Variants in SH3BP2 observed in about 807,000 individuals in gnomAD.
The protein encoded by SH3BP2 is SH3 domain binding protein 2, also known as SH3 domain-binding protein 2.
Under a neutral mutation model 56.2 loss-of-function variants are expected in SH3BP2, and 38 were observed. The observed-to-expected ratio is 0.68, with a 90% CI of 0.52 to 0.89. The LOEUF is 0.89. Ranked by LOEUF, SH3BP2 falls within the 40% of genes least tolerant of loss-of-function variation. The probability of loss-of-function intolerance (pLI) is 0.00; values close to 1 mark genes in which losing one functional copy is unlikely to be tolerated. For synonymous variants in SH3BP2, 346 were observed against 316.7 expected (o/e 1.09, Z -0.98); for missense variants, 748 against 762.6 (o/e 0.98, Z 0.23).
chr4:2,812,412 C>T (rs1723786721), intron 1 of SH3BP2: 5 of 1,550,296 alleles, frequency 3.2e-6, no homozygotes, highest in Non-Finnish European at 4.4e-6. Flanking sequence ...CCTCCCTGGG[C>T]CCCAGGACAC....
At chr4:2,799,432 G>T in intron 1 of SH3BP2, 1 of 316,048 alleles carries the variant, frequency 3.2e-6, no homozygotes, top group Non-Finnish European at 4.6e-6. Flanking sequence ...GGCTCTCTGA[G>T]ATCAACCTTC....
chr4:2,813,865 G>A (rs1459597359), intron 1 of SH3BP2, among the ~76,000 whole-genome samples: 1 of 152,192 alleles, frequency 6.6e-6, no homozygotes, highest in Admixed American at 6.5e-5. Context: ...AGTGTTAACT[G>A]TACATGCATG....
chr4:2,821,783 G>A (rs1024007451), intron 2 of SH3BP2, among the ~76,000 whole-genome samples: 4 of 152,116 alleles, frequency 2.6e-5, no homozygotes, highest in Admixed American at 6.5e-5. Flanking sequence ...GAGCTCAAGC[G>A]ATCCATCCGC....
Position 2,829,540 on chromosome 4 carries a change from C to T in SH3BP2, c.634C>T (p.Pro212Ser). ...PAYPPPPVPTPRKPAFSDMPR... is the reference protein window; with the variant it reads ...PAYPPPPVPTSRKPAFSDMPR... ...TTACCCACCACCCCCAGTGCCCACGCCCAGGAAGCCAGCCTTCTCTGACAT... is the reference window on the plus strand; with the variant it reads ...TTACCCACCACCCCCAGTGCCCACGTCCAGGAAGCCAGCCTTCTCTGACAT... Residue 212 changes from proline to serine, a missense_variant, in exon 8 of 13, where the codon CCC (proline) becomes TCC (serine). Physicochemically the swap from Pro to Ser is moderately conservative, Grantham distance 74. This residue lies in a region of SH3BP2 where 635 missense variants were observed against 615.0 expected (regional missense o/e 1.03). Coordinates refer to ENST00000503393, the MANE Select transcript of SH3BP2 (RefSeq NM_001122681.2). The surrounding 1 kb of genome is among the most constrained non-coding windows in gnomAD (Gnocchi z 4.9). 5 of 1,613,620 alleles carry T rather than the reference C, an allele frequency of 3.1e-6. No individual in the cohort carries two copies. Among genetic ancestry groups the T allele is most frequent in the Non-Finnish European group, 3.4e-6 (4 of 1,179,988 alleles).
At chr4:2,819,664 C>T (rs942846983) in intron 1 of SH3BP2, among the ~76,000 whole-genome samples, 1 of 152,108 alleles carries the variant, frequency 6.6e-6, no homozygotes, top group African/African-American at 2.4e-5. Context: ...GTACTGTTCA[C>T]TGGGACAAGA....
intron 1 of SH3BP2, among the ~76,000 whole-genome samples, chr4:2,816,864 A>G (rs1188885177): frequency 6.7e-6 from 1 of 150,172 alleles, no homozygotes. Flanking sequence ...GTTTATGTCT[A>G]TACCCATAAG....
chr4:2,794,706 T>C (rs1249484698), intron 1 of SH3BP2, among the ~76,000 whole-genome samples: 3 of 152,176 alleles, frequency 2.0e-5, no homozygotes, highest in Non-Finnish European at 4.4e-5. Flanking sequence ...TCCAGGATCA[T>C]GGGGGAGCCC....
At position 2,827,645 on chromosome 4, in the gene SH3BP2, C is replaced by G; in HGVS notation, c.557C>G (p.Pro186Arg). ...HDDEDDSYLEPDSPEPGRLED... is the reference protein window; with the variant it reads ...HDDEDDSYLERDSPEPGRLED... ...GATGAGGATGACTCCTACCTGGAGCCTGACTCCCCGGAGCCCGGAAGGCTT... is the reference window on the plus strand; with the variant it reads ...GATGAGGATGACTCCTACCTGGAGCGTGACTCCCCGGAGCCCGGAAGGCTT... The change falls in exon 7 of 13, where the codon CCT becomes CGT. Residue 186 changes from proline to arginine, a missense_variant. Pro to Arg is a moderately radical substitution (Grantham distance 103). Around this residue, in one of 3 missense-constraint regions of SH3BP2, gnomAD observed 635 missense variants for 615.0 expected, o/e 1.03. Transcript: ENST00000503393. 1 of 1,595,134 alleles carries G rather than the reference C, an allele frequency of 6.3e-7. No individual in the cohort carries two copies. The highest frequency in any genetic ancestry group is 8.5e-7 in the Non-Finnish European group (1 of 1,170,508).
At chr4:2,803,925 G>A (rs891327091) in intron 1 of SH3BP2, among the ~76,000 whole-genome samples, 3 of 152,170 alleles carry the variant, frequency 2.0e-5, no homozygotes, top group Non-Finnish European at 4.4e-5. Flanking sequence ...ACAGTAGCTT[G>A]GATCCCGGGT....
chr4:2,813,489 G>C (rs968835385), intron 1 of SH3BP2, among the ~76,000 whole-genome samples: 3 of 152,234 alleles, frequency 2.0e-5, no homozygotes, highest in African/African-American at 7.2e-5. Flanking sequence ...ACCCAAGTCT[G>C]TAAAATAGAA....
At chr4:2,816,638 C>G (rs1784149) in intron 1 of SH3BP2, among the ~76,000 whole-genome samples, 76,918 of 152,058 alleles carry the variant, frequency 0.51, 19,765 homozygotes, top group Admixed American at 0.64. Context: ...TTTGTTGACT[C>G]TTCTTATCAT....
Position 2,839,258 on chromosome 4 carries a change from A to G in SH3BP2, c.*5424A>G, listed in dbSNP as rs547827206. On this transcript the variant is annotated 3_prime_UTR_variant, in exon 13 of 13. Coordinates refer to ENST00000503393, the MANE Select transcript of SH3BP2 (RefSeq NM_001122681.2). ...GCAATCTCAGCTCACTGCAGCCTTG[A>G]GTCAGGCTCAGGTGATTCTCTCACC... is the stretch of plus-strand genomic sequence containing the variant. The G allele has an allele frequency of 5.3e-5, 8 of 150,278 alleles. No individual in the cohort carries two copies. Among genetic ancestry groups the G allele is most frequent in the African/African-American group, 2.0e-4 (8 of 40,786 alleles). 9.3% of individuals were successfully genotyped at this position (150,278 alleles called of 1,614,324 possible).
intron 1 of SH3BP2, chr4:2,796,524 C>T (rs2108693830): frequency 3.2e-6 from 3 of 933,532 alleles, no homozygotes; most frequent in East Asian, 2.3e-4. Flanking sequence ...CCATCTTTGT[C>T]AGCTGGCCTC....
At chr4:2,799,343 G>A (rs1723166380) in intron 1 of SH3BP2, 1 of 975,862 alleles carries the variant, frequency 1.0e-6, no homozygotes, top group Admixed American at 6.2e-5. Context: ...TGGAGGGAGG[G>A]GCAGTGGCCA....
chr4:2,798,405 T>A (rs1723128648), intron 1 of SH3BP2, among the ~76,000 whole-genome samples: 1 of 152,080 alleles, frequency 6.6e-6, no homozygotes, highest in Non-Finnish European at 1.5e-5. Flanking sequence ...TGGGGAAAGA[T>A]CCAGAAAAGC....
rs1291034009 is a variant in SH3BP2, at chr4:2,831,672, A to G, written c.1343A>G (p.Tyr448Cys). Residue 448 changes from tyrosine to cysteine, a missense_variant, in exon 9 of 13, where the codon TAT becomes TGT. Physicochemically the swap from Tyr to Cys is radical, Grantham distance 194. This residue lies in a region of SH3BP2 where 635 missense variants were observed against 615.0 expected (regional missense o/e 1.03). Transcript: ENST00000503393. This position sits in a 1 kb window ranked among gnomAD's most constrained non-coding sequence, Gnocchi z 4.1. ...DTGGDDSDED[Y>C]EKVPLPNSVF... ...GGCGGGGACGACTCGGACGAGGACT[A>G]TGAGAAGGCAAGGCTGAGCGGCAAG... The G allele has an allele frequency of 1.9e-6, 3 of 1,588,640 alleles. No homozygotes were observed. The highest frequency in any genetic ancestry group is 1.1e-5 in the South Asian group (1 of 87,894).
intron 3 of SH3BP2, chr4:2,823,623 C>T (rs1190789339): frequency 2.3e-6 from 1 of 427,676 alleles, no homozygotes; most frequent in Admixed American, 2.6e-5. Context: ...CTGGCACAGC[C>T]CATGGCCTGG....
intron 1 of SH3BP2, chr4:2,818,731 G>C (rs1040231852): frequency 2.6e-4 from 253 of 990,944 alleles, no homozygotes; most frequent in Non-Finnish European, 2.9e-4. Context: ...GCCTGTGGTT[G>C]GGGGTCCTGC....
chr4:2,827,319 G>A lies in SH3BP2; in HGVS notation c.517+1G>A, dbSNP rs1239748749. ...TCCCCGTACCCCACGGACAATGAAG[G>A]TGAGGTCTTTCTCCGCATCCACTGC... On this transcript the variant is annotated splice_donor_variant, in intron 6 of 12. Coordinates refer to ENST00000503393, the MANE Select transcript of SH3BP2 (RefSeq NM_001122681.2). LOFTEE classifies it high-confidence loss of function. The A allele has an allele frequency of 6.2e-7, 1 of 1,613,778 alleles. No individual in the cohort carries two copies. The highest frequency in any genetic ancestry group is 1.1e-5 in the South Asian group (1 of 91,082).
Sources: gnomAD v4.1 joint callset for allele counts (sites outside exome capture counted in the v4.1 genomes callset) on GRCh38, gnomAD v4.1.1 for gene constraint, gnomAD v4.1.1 regional missense constraint, Gnocchi (gnomAD v3.1) non-coding constraint, MANE v1.5 for transcripts, NCBI Gene and HGNC (gene_info 2026-07-23, HGNC 2026-07-21) for gene names.